Variants in SPMIP8 observed in about 807,000 individuals in gnomAD.
SPMIP8 encodes the protein sperm microtubule inner protein 8, also known as testicular tissue protein Li 196.
chr16:57,984,056 A>G, the SPMIP8 span, among the ~76,000 whole-genome samples: 2 of 151,390 alleles, frequency 1.3e-5, no homozygotes, highest in African/African-American at 4.9e-5. Context: ...GGTGCTCGCC[A>G]CCATGCCTGG....
the SPMIP8 span, among the ~76,000 whole-genome samples, chr16:57,981,501 C>CT: frequency 0.015 from 1,035 of 68,990 alleles, 154 homozygotes; most frequent in Non-Finnish European, 0.021. Flanking sequence ...CTCTCTTTCT[C>CT]TTTTTTTTTT....
At chr16:57,987,105 C>G in the SPMIP8 span, 1 of 363,650 alleles carries the variant, frequency 2.7e-6, no homozygotes, top group South Asian at 1.2e-4. Flanking sequence ...CTGGGTTTTG[C>G]TACCATATGA....
the SPMIP8 span, chr16:57,984,606 G>A: frequency 1.3e-6 from 2 of 1,524,100 alleles, no homozygotes; most frequent in East Asian, 4.8e-5. Flanking sequence ...GGCTACGGCC[G>A]CGCGGGCCTG....
chr16:57,984,960 G>T, the SPMIP8 span: 4 of 1,230,888 alleles, frequency 3.2e-6, no homozygotes, highest in Non-Finnish European at 4.4e-6. Context: ...TGCGGTGGGT[G>T]GAGCCGAGAC....
the SPMIP8 span, chr16:57,985,853 G>A: frequency 1.3e-6 from 2 of 1,569,762 alleles, no homozygotes; most frequent in Non-Finnish European, 1.7e-6. Flanking sequence ...CGAGTGAGGC[G>A]CCCAGAGAGG....
At chr16:57,987,303 GA>G in the SPMIP8 span, 5 of 1,301,962 alleles carry the variant, frequency 3.8e-6, no homozygotes, top group East Asian at 1.5e-4. Context: ...AGGCTGGCTG[GA>G]AGCTGTGTTT....
At chr16:57,981,365 G>T in the SPMIP8 span, among the ~76,000 whole-genome samples, 1 of 73,530 alleles carries the variant, frequency 1.4e-5, no homozygotes, top group Non-Finnish European at 4.0e-5. Context: ...GGGCAACAGA[G>T]TGACACTCCG....
At chr16:57,987,615 G>A in the SPMIP8 span, 4 of 574,098 alleles carry the variant, frequency 7.0e-6, no homozygotes, top group Non-Finnish European at 1.1e-5. Context: ...CTGGGAGAGG[G>A]TCAGGGCCAC....
chr16:57,977,423 AAG>A, the SPMIP8 span, among the ~76,000 whole-genome samples: 3 of 149,800 alleles, frequency 2.0e-5, no homozygotes, highest in East Asian at 3.9e-4. Flanking sequence ...AAAAAAAAAA[AAG>A]AAAAGAAAGA....
At chr16:57,983,992 C>T in the SPMIP8 span, among the ~76,000 whole-genome samples, 6 of 152,094 alleles carry the variant, frequency 3.9e-5, no homozygotes, top group Non-Finnish European at 8.8e-5. Flanking sequence ...AAGCTTCGAC[C>T]TCCTGGACTC....
At chr16:57,987,987 C>G in the SPMIP8 span, 1 of 152,624 alleles carries the variant, frequency 6.6e-6, no homozygotes, top group Non-Finnish European at 1.5e-5. Context: ...CTGGCCAGGC[C>G]TATGGCCTTG....
At chr16:57,985,915 T>C in the SPMIP8 span, 1 of 1,612,442 alleles carries the variant, frequency 6.2e-7, no homozygotes, top group Non-Finnish European at 8.5e-7. Flanking sequence ...CCAGGAACAC[T>C]TTCCGAAGCT....
chr16:57,984,945 G>A, the SPMIP8 span: 1 of 1,287,968 alleles, frequency 7.8e-7, no homozygotes. Context: ...TGAAGCTGTG[G>A]CACTTGCGGT....
At chr16:57,979,791 G>T in the SPMIP8 span, among the ~76,000 whole-genome samples, 3 of 152,128 alleles carry the variant, frequency 2.0e-5, no homozygotes, top group Non-Finnish European at 4.4e-5. Flanking sequence ...ATTTAGGCAG[G>T]GTACGGTGGC....
the SPMIP8 span, chr16:57,976,605 T>G: frequency 6.2e-7 from 1 of 1,614,140 alleles, no homozygotes; most frequent in Non-Finnish European, 8.5e-7. Context: ...CACCTGGGCC[T>G]GGGCCCTACA....
the SPMIP8 span, chr16:57,985,538 C>A: frequency 6.2e-7 from 1 of 1,604,722 alleles, no homozygotes; most frequent in Non-Finnish European, 8.5e-7. Context: ...CCCTGCCTTT[C>A]GACTCCCTGT....
At chr16:57,977,458 C>T in the SPMIP8 span, among the ~76,000 whole-genome samples, 1 of 148,946 alleles carries the variant, frequency 6.7e-6, no homozygotes. Flanking sequence ...CGAATAGACT[C>T]AAATACCACC....
the SPMIP8 span, among the ~76,000 whole-genome samples, chr16:57,977,560 A>AGTGTGTGTGTGTGTGTGTGAGTGTGT: frequency 7.5e-6 from 1 of 132,642 alleles, no homozygotes; most frequent in Non-Finnish European, 1.6e-5. Flanking sequence ...GCACAATGTG[A>AGTGTGTGTGTGTGTGTGTGAGTGTGT]GTGTGTGTGT....
the SPMIP8 span, chr16:57,987,416 C>T: frequency 6.3e-7 from 1 of 1,597,826 alleles, no homozygotes; most frequent in Non-Finnish European, 8.5e-7. Flanking sequence ...TACCTGACCC[C>T]CTGGCATTAA....
Sources: allele counts gnomAD v4.1 joint callset (sites outside exome capture counted in the v4.1 genomes callset), GRCh38; gene constraint gnomAD v4.1.1; transcripts MANE v1.5; gene names NCBI Gene and HGNC (gene_info 2026-07-23, HGNC 2026-07-21).